Variants in DAND5 observed in about 807,000 individuals in gnomAD.
The protein encoded by DAND5 is DAN domain BMP antagonist family member 5, also known as DAN domain family member 5.
In DAND5, 8 loss-of-function variants were observed where a neutral mutation model predicts 9.2. That is an observed-to-expected ratio of 0.87 (90% CI 0.51 to 1.56). The LOEUF is 1.56. Ranked by LOEUF, DAND5 falls within the 40% of genes most tolerant of loss-of-function variation. DAND5 has a pLI of 0.00. For missense variants in DAND5, 244 were observed against 244.7 expected (o/e 1.00, Z 0.02); for synonymous variants, 95 against 101.1 (o/e 0.94, Z 0.36).
chr19:12,972,445 G>A (rs1052842606), intron 1 of DAND5, among the ~76,000 whole-genome samples: 7 of 151,962 alleles, frequency 4.6e-5, no homozygotes, highest in Middle Eastern at 3.4e-3. Context: ...ACCACATCCC[G>A]CCCTTGGCTT....
chr19:12,973,544 G>C lies in DAND5; in HGVS notation c.480G>C (p.Leu160=). 1 of 1,614,152 alleles carries C rather than the reference G, an allele frequency of 6.2e-7. No homozygotes were observed. Among genetic ancestry groups the C allele is most frequent in the South Asian group, 1.1e-5 (1 of 91,080 alleles). Residue 160 remains leucine, a synonymous_variant, in exon 2 of 2, where the codon CTG becomes CTC. Transcript: ENST00000317060. The stretch of plus-strand genomic sequence containing the variant: ...GCAAGCGTTGGGCACCCGTGGTCCT[G>C]TGGTGTCTCACTGGCAGCTCAGCCT... The part of the protein sequence containing the change: ...PARKRWAPVV[L]WCLTGSSASR...
chr19:12,972,865 T>TC (rs1235030408), intron 1 of DAND5, among the ~76,000 whole-genome samples: 14 of 144,746 alleles, frequency 9.7e-5, no homozygotes, highest in South Asian at 2.3e-4. Flanking sequence ...TCTTTTCTTT[T>TC]TTTTTTTTTT....
rs998345885 is a variant in DAND5, at chr19:12,969,729, G to T, written c.69G>T (p.Arg23Ser). The T allele has an allele frequency of 6.2e-7, 1 of 1,601,206 alleles. No individual in the cohort carries two copies. The highest frequency in any genetic ancestry group is 8.5e-7 in the Non-Finnish European group (1 of 1,174,120). Reference protein sequence around the residue: ...LSGALPTGSGRPEPQSPRPQS... With the variant: ...LSGALPTGSGSPEPQSPRPQS... Reference sequence around the variant, plus strand: ...GGGCCCTGCCTACAGGCTCAGGGAGGCCTGAACCCCAGTCTCCTCGACCTC... The same window carrying T: ...GGGCCCTGCCTACAGGCTCAGGGAGTCCTGAACCCCAGTCTCCTCGACCTC... The change falls in exon 1 of 2, where the codon AGG becomes AGT. Residue 23 changes from arginine to serine, a missense_variant. Transcript: ENST00000317060.
At chr19:12,972,776 A>G (rs2011151544) in intron 1 of DAND5, among the ~76,000 whole-genome samples, 1 of 151,138 alleles carries the variant, frequency 6.6e-6, no homozygotes. Flanking sequence ...CCTGGCCTGA[A>G]GTGATCCGCC....
In DAND5 at chr19:12,969,900, G is replaced by A. The variant is rs145704405; in HGVS notation, c.240G>A (p.Gly80=). ...TGGGGATGGGCAGGCTGCAGCGTGG[G>A]CAAGACGAGGTGGCTGCTGTGACTC... The part of the protein sequence containing the change: ...RQLGMGRLQR[G]QDEVAAVTLP... The change falls in exon 1 of 2, where the codon GGG becomes GGA. Residue 80 remains glycine, a synonymous_variant. Transcript: ENST00000317060. 59 of 1,614,076 alleles carry A rather than the reference G, an allele frequency of 3.7e-5. No homozygotes were observed. The African/African-American group carries it at 6.5e-4, about 18-fold the overall frequency.
rs1279696809 is a variant in DAND5 at position 12,973,901 on chromosome 19, CG to C, written c.*268del. On this transcript the variant is annotated 3_prime_UTR_variant, in exon 2 of 2. Transcript: ENST00000317060. ...TTTTTGAGATGGAGTCTCGCTCTGTCGCCCAGGCTGGAGTGCAGTGGCGCAA... is the reference window on the plus strand; with the variant it reads ...TTTTTGAGATGGAGTCTCGCTCTGTCCCCAGGCTGGAGTGCAGTGGCGCAA... 1 of 380,806 alleles carries C rather than the reference CG, an allele frequency of 2.6e-6. No homozygotes were observed. The highest frequency in any genetic ancestry group is 4.8e-6 in the Non-Finnish European group (1 of 209,610). The allele number at this position is 380,806 out of a possible 1,614,324, so 23.6% of individuals were successfully genotyped here. A position where few individuals can be genotyped will look rare whatever the true frequency, so the allele number is the denominator to read the frequency against.
At chr19:12,970,078 T>C (rs1189088620) in intron 1 of DAND5, 94 bp downstream of exon 1, 5 of 1,444,598 alleles carry the variant, frequency 3.5e-6, no homozygotes, top group African/African-American at 1.4e-5. Flanking sequence ...TCAAGTCCTG[T>C]ATCCTCCACC....
rs143083247 is a variant in DAND5 at position 12,973,412 on chromosome 19, A to G, written c.348A>G (p.Ser116=). ...AGGTGTTCTCCCGGCCCGGCTGCTC[A>G]GCCATACGCCTCCGAAATCATCTGT... ...FVQVFSRPGC[S]AIRLRNHLCF... Residue 116 remains serine, a synonymous_variant, in exon 2 of 2, where the codon TCA becomes TCG. Coordinates refer to ENST00000317060, the MANE Select transcript of DAND5 (RefSeq NM_152654.3). 57 of 1,613,900 alleles carry G rather than the reference A, an allele frequency of 3.5e-5. No homozygotes were observed. Among genetic ancestry groups the G allele is most frequent in the Non-Finnish European group, 4.7e-5 (55 of 1,180,008 alleles).
chr19:12,973,051 A>T (rs1414396049), intron 1 of DAND5, among the ~76,000 whole-genome samples: 3 of 149,570 alleles, frequency 2.0e-5, no homozygotes, highest in African/African-American at 4.9e-5. Context: ...TTTAGTAGAG[A>T]CGGGGTTTCA....
intron 1 of DAND5, chr19:12,970,598 C>CTCTTTCTT: frequency 2.1e-6 from 1 of 485,250 alleles, no homozygotes. Context: ...CTTTCTTTTT[C>CTCTTTCTT]TCTTTCTTTC....
intron 1 of DAND5, among the ~76,000 whole-genome samples, chr19:12,972,542 T>A (rs533547022): frequency 6.6e-5 from 10 of 152,074 alleles, no homozygotes; most frequent in South Asian, 4.1e-4. Context: ...TTAATTAATT[T>A]ATTTGTTTAT....
At chr19:12,972,540 T>C (rs1284945820) in intron 1 of DAND5, among the ~76,000 whole-genome samples, 4 of 151,926 alleles carry the variant, frequency 2.6e-5, no homozygotes, top group Admixed American at 6.6e-5. Context: ...ATTTAATTAA[T>C]TTATTTGTTT....
chr19:12,970,633 T>C (rs1423936623), intron 1 of DAND5: 1 of 466,534 alleles, frequency 2.1e-6, no homozygotes, highest in African/African-American at 2.5e-5. Context: ...TTGTTTTTCT[T>C]TTTTTCTCTT....
At chr19:12,970,908 T>C (rs1227753189) in intron 1 of DAND5, among the ~76,000 whole-genome samples, 1 of 152,206 alleles carries the variant, frequency 6.6e-6, no homozygotes, top group African/African-American at 2.4e-5. Flanking sequence ...CTCGAACTCC[T>C]GACCTCAGGT....
chr19:12,973,207 G>C (rs1164598535), intron 1 of DAND5, among the ~76,000 whole-genome samples, 182 bp from the exon 2 acceptor site: 2 of 152,216 alleles, frequency 1.3e-5, no homozygotes, highest in African/African-American at 2.4e-5. Flanking sequence ...CAAAAGCTCA[G>C]AGAGGCTAAG....
chr19:12,973,358 AC>A, intron 1 of DAND5, 30 bp from the exon 2 acceptor site: 1 of 1,608,536 alleles, frequency 6.2e-7, no homozygotes, highest in Non-Finnish European at 8.5e-7. Context: ...AAACTCCGCC[AC>A]CCTGACCGTC....
Position 12,973,424 on chromosome 19 carries a change from C to G in DAND5, c.360C>G (p.Leu120=), listed in dbSNP as rs576910867. Residue 120 remains leucine, a synonymous_variant, in exon 2 of 2, where the codon CTC becomes CTG. Coordinates refer to ENST00000317060, the MANE Select transcript of DAND5 (RefSeq NM_152654.3). ...FSRPGCSAIR[L]RNHLCFGHCS... is the part of the protein sequence containing the mutation. ...GGCCCGGCTGCTCAGCCATACGCCT[C>G]CGAAATCATCTGTGCTTTGGTCATT... 1 of 1,614,148 alleles carries G rather than the reference C, an allele frequency of 6.2e-7. No homozygotes were observed. Among genetic ancestry groups the G allele is most frequent in the South Asian group, 1.1e-5 (1 of 91,086 alleles).
chr19:12,973,115 G>A (rs894927634), intron 1 of DAND5, among the ~76,000 whole-genome samples: 1 of 152,090 alleles, frequency 6.6e-6, no homozygotes, highest in Non-Finnish European at 1.5e-5. Context: ...GCCCGCCTTG[G>A]CCTCCCAAAG....
intron 1 of DAND5, among the ~76,000 whole-genome samples, chr19:12,972,381 T>A (rs938668750): frequency 5.3e-5 from 8 of 151,622 alleles, no homozygotes; most frequent in African/African-American, 1.7e-4. Flanking sequence ...TTTTTTTTTT[T>A]AATTTCTTTG....
Sources: gnomAD v4.1 joint callset for allele counts (sites outside exome capture counted in the v4.1 genomes callset) on GRCh38, gnomAD v4.1.1 for gene constraint, MANE v1.5 for transcripts, NCBI Gene and HGNC (gene_info 2026-07-23, HGNC 2026-07-21) for gene names.